Variants in PKD1L1 observed in about 807,000 individuals in gnomAD.
PKD1L1 encodes the protein polycystin-1-like protein 1.
PKD1L1 carries 236 observed loss-of-function variants against 323.4 expected under a neutral mutation model. The observed-to-expected ratio is 0.73, with a 90% CI of 0.66 to 0.81. PKD1L1 has a LOEUF of 0.81. PKD1L1 is among the 40% of genes least tolerant of loss of function. PKD1L1 has a pLI of 0.00. For missense variants in PKD1L1, 3,320 were observed against 3,508.0 expected (o/e 0.95, Z 1.35); for synonymous variants, 1,344 against 1,335.0 (o/e 1.01, Z -0.15).
At chr7:47,940,124 CTTTTT>C in intron 3 of PKD1L1, 64 bp downstream of exon 3, 1 of 1,564,720 alleles carries the variant, frequency 6.4e-7, no homozygotes, top group East Asian at 2.3e-5. Flanking sequence ...CATGGAGGTG[CTTTTT>C]AGCTGTACTG....
At chr7:47,788,442 C>T (rs1429838418) in intron 56 of PKD1L1, among the ~76,000 whole-genome samples, 1 of 150,346 alleles carries the variant, frequency 6.7e-6, no homozygotes, top group Non-Finnish European at 1.5e-5. Flanking sequence ...AGGTGTGCAC[C>T]ATGCCGGGTT....
At chr7:47,930,693 T>C (rs982374835) in intron 6 of PKD1L1, among the ~76,000 whole-genome samples, 3 of 151,906 alleles carry the variant, frequency 2.0e-5, no homozygotes, top group Non-Finnish European at 2.9e-5. Flanking sequence ...CGCATGCCTG[T>C]AGTCCCAGCT....
At position 47,915,588 on chromosome 7, in the gene PKD1L1, GA is replaced by G. The variant is rs544774439; in HGVS notation, c.1071del (p.His358IlefsTer22). The G allele has an allele frequency of 3.7e-4, 548 of 1,492,464 alleles. 12 individuals carry two copies. In the South Asian group the frequency reaches 5.4e-3, roughly 15 times the overall value. 92.5% of individuals were successfully genotyped at this position (1,492,464 alleles called of 1,614,324 possible). A position where few individuals can be genotyped will look rare whatever the true frequency, so the allele number is the denominator to read the frequency against. On this transcript the variant is annotated frameshift_variant, in exon 8 of 57. Coordinates refer to ENST00000289672, the MANE Select transcript of PKD1L1 (RefSeq NM_138295.5). LOFTEE classifies it high-confidence loss of function. ...AYHQYSKGIF[F>X]HLLHFQLDMS... ...ATATCCAACTGAAAATGTAAAAGAT[GA>G]AAAAAAATACCTATAAAAGCAAAAA...
At chr7:47,863,449 T>C (rs1448665599) in intron 26 of PKD1L1, among the ~76,000 whole-genome samples, 1 of 151,722 alleles carries the variant, frequency 6.6e-6, no homozygotes, top group Non-Finnish European at 1.5e-5. Context: ...GGACAGAGAA[T>C]CTAGGAGGCC....
rs149322509 is a variant in PKD1L1 at position 47,876,142 on chromosome 7, A to C, written c.3739T>G (p.Tyr1247Asp). ...TCACCAGCTGGCAACACAAAATAAT[A>C]CTGGGTGTCTCTCCCATGGTACAAA... Reference protein sequence around the residue: ...HTLYHGRDTQYYFVLPAGEHL... With the variant: ...HTLYHGRDTQDYFVLPAGEHL... Residue 1247 changes from tyrosine to aspartate, a missense_variant, in exon 23 of 57, where the codon TAT (tyrosine) becomes GAT (aspartate). Physicochemically the swap from Tyr to Asp is radical, Grantham distance 160. Coordinates refer to ENST00000289672, the MANE Select transcript of PKD1L1 (RefSeq NM_138295.5). The C allele has an allele frequency of 1.0e-4, 166 of 1,614,142 alleles. No individual in the cohort carries two copies. The highest frequency in any genetic ancestry group is 1.3e-4 in the Non-Finnish European group (152 of 1,179,996).
Position 47,840,179 on chromosome 7 carries a change from G to T in PKD1L1, c.5552+282C>A, listed in dbSNP as rs971786073. Among the ~76,000 whole-genome samples, 1 of 152,082 alleles carries T rather than the reference G, an allele frequency of 6.6e-6. No homozygotes were observed. The highest frequency in any genetic ancestry group is 2.4e-5 in the African/African-American group (1 of 41,416). The stretch of plus-strand genomic sequence containing the variant: ...GGACAAACCTAATTAAGGTCAGAAG[G>T]TTTAGTGTCATAGAAAACACTGATT... On this transcript the variant is annotated intron_variant, in intron 35 of 56. Transcript: ENST00000289672. The surrounding 1 kb of genome is among the most constrained non-coding windows in gnomAD (Gnocchi z 4.1).
chr7:47,938,895 G>A (rs1036761058), intron 3 of PKD1L1, among the ~76,000 whole-genome samples: 2 of 152,186 alleles, frequency 1.3e-5, no homozygotes. Flanking sequence ...GTTTTGTTTG[G>A]TTTCTTTGAC....
At chr7:47,933,575 A>G (rs905995169) in intron 4 of PKD1L1, among the ~76,000 whole-genome samples, 15 of 152,168 alleles carry the variant, frequency 9.9e-5, no homozygotes, top group African/African-American at 3.6e-4. Context: ...AGTGACCACC[A>G]TGCCACTGCC....
intron 21 of PKD1L1, among the ~76,000 whole-genome samples, chr7:47,879,585 A>G (rs1269035016): frequency 2.2e-5 from 3 of 139,434 alleles, no homozygotes. Context: ...GTGAGCTGAG[A>G]CCGTGCCTCT....
intron 4 of PKD1L1, among the ~76,000 whole-genome samples, chr7:47,932,571 A>G (rs975175849): frequency 1.3e-5 from 2 of 152,202 alleles, no homozygotes; most frequent in South Asian, 4.1e-4. Flanking sequence ...TTAGCCGGTC[A>G]TCTTCGTGTC....
chr7:47,957,512 T>C, the PKD1L1 span, among the ~76,000 whole-genome samples: 1 of 152,104 alleles, frequency 6.6e-6, no homozygotes, highest in African/African-American at 2.4e-5. Context: ...AAAACTAGTA[T>C]TATTTCTTTT....
At chr7:47,881,052 C>T (rs1389575817) in intron 20 of PKD1L1, among the ~76,000 whole-genome samples, 2 of 151,912 alleles carry the variant, frequency 1.3e-5, no homozygotes, top group African/African-American at 4.8e-5. Flanking sequence ...ACACTAATGT[C>T]CCAAGCAACA....
chr7:47,834,400 T>G lies in PKD1L1; in HGVS notation c.6128-15A>C. 3 of 1,612,094 alleles carry G rather than the reference T, an allele frequency of 1.9e-6. No individual in the cohort carries two copies. Among genetic ancestry groups the G allele is most frequent in the Non-Finnish European group, 2.5e-6 (3 of 1,178,276 alleles). ...GGAATTAGGACCTGATTCAAAAAAA[T>G]AAAAATCCAATGTACGATGCTTTGG... On this transcript the variant is annotated splice_polypyrimidine_tract_variant and intron_variant, in intron 39 of 56. Transcript: ENST00000289672.
chr7:47,818,374 C>A (rs1330912349), intron 46 of PKD1L1, among the ~76,000 whole-genome samples: 1 of 152,192 alleles, frequency 6.6e-6, no homozygotes, highest in Non-Finnish European at 1.5e-5. Context: ...GATTTGACGA[C>A]AAACATTGTA....
At chr7:47,943,145 CAAA>C (rs142019299) in intron 2 of PKD1L1, among the ~76,000 whole-genome samples, 5 of 88,990 alleles carry the variant, frequency 5.6e-5, no homozygotes, top group African/African-American at 2.2e-4. Flanking sequence ...GACTCCGTCT[CAAA>C]AAAAAAAAAA....
At chr7:47,862,742 A>T (rs1352993996) in intron 26 of PKD1L1, among the ~76,000 whole-genome samples, 1 of 152,160 alleles carries the variant, frequency 6.6e-6, no homozygotes, top group African/African-American at 2.4e-5. Flanking sequence ...GCACAGCGGG[A>T]AAAGGATCAA....
intron 31 of PKD1L1, 140 bp from the exon 32 acceptor site, chr7:47,847,211 C>G (rs1016157505): frequency 3.4e-6 from 2 of 590,494 alleles, no homozygotes; most frequent in Non-Finnish European, 5.3e-6. Context: ...GCATCAAATT[C>G]TAGCCATTTC....
intron 44 of PKD1L1, 44 bp downstream of exon 44, chr7:47,829,381 G>GT: frequency 6.5e-7 from 1 of 1,529,540 alleles, no homozygotes; most frequent in Non-Finnish European, 8.8e-7. Flanking sequence ...ATATAAAGTA[G>GT]TTTTTTAAAT....
chr7:47,938,471 C>T (rs553765646), intron 3 of PKD1L1, among the ~76,000 whole-genome samples: 1 of 152,270 alleles, frequency 6.6e-6, no homozygotes, highest in South Asian at 2.1e-4. Flanking sequence ...CCTACAACCC[C>T]TAAAAGGCAT....
Sources: allele counts gnomAD v4.1 joint callset (sites outside exome capture counted in the v4.1 genomes callset), GRCh38; gene constraint gnomAD v4.1.1; non-coding constraint Gnocchi (gnomAD v3.1); transcripts MANE v1.5; gene names NCBI Gene and HGNC (gene_info 2026-07-23, HGNC 2026-07-21).